Variants in IGSF11 observed in about 807,000 individuals in gnomAD.
The protein encoded by IGSF11 is CXADR like 1.
In IGSF11, 22 loss-of-function variants were observed where a neutral mutation model predicts 41.0. That is an observed-to-expected ratio of 0.54 (90% CI 0.38 to 0.77). IGSF11 has a LOEUF of 0.77. Among genes scored for constraint, IGSF11 ranks in the 30% least tolerant of loss-of-function variants. The pLI is 0.00. For synonymous variants in IGSF11, 219 were observed against 201.3 expected, an observed-to-expected ratio of 1.09 and a Z score of -0.74; for missense variants, 444 against 530.8, an observed-to-expected ratio of 0.84 and a Z score of 1.61.
chr3:119,115,788 T>G (rs1226034938), intron 1 of IGSF11, among the ~76,000 whole-genome samples: 2 of 152,192 alleles, frequency 1.3e-5, no homozygotes, highest in East Asian at 3.8e-4. Context: ...AAATCTTAAC[T>G]AATAAATGTA....
chr3:119,114,949 A>T (rs1256851976), intron 1 of IGSF11, among the ~76,000 whole-genome samples: 1 of 152,232 alleles, frequency 6.6e-6, no homozygotes, highest in Non-Finnish European at 1.5e-5. Flanking sequence ...GGGGAAGCAG[A>T]CATGTCCTAC....
chr3:119,027,847 A>G (rs1412228764), intron 1 of IGSF11, among the ~76,000 whole-genome samples: 4 of 152,198 alleles, frequency 2.6e-5, no homozygotes, highest in African/African-American at 9.6e-5. Context: ...CACATGGGCA[A>G]TATACATAAG....
intron 1 of IGSF11, among the ~76,000 whole-genome samples, chr3:119,092,662 A>G (rs2076784125): frequency 2.0e-5 from 3 of 152,186 alleles, no homozygotes; most frequent in African/African-American, 7.2e-5. Flanking sequence ...ACAGTAGTGT[A>G]TAGTAATGTC....
intron 1 of IGSF11, among the ~76,000 whole-genome samples, chr3:119,052,267 G>A (rs1183601366): frequency 1.3e-5 from 2 of 152,010 alleles, no homozygotes; most frequent in Non-Finnish European, 2.9e-5. Flanking sequence ...ATCACTTGAG[G>A]CCAGGAGTTC....
chr3:119,089,030 G>A (rs2076721572), intron 1 of IGSF11, among the ~76,000 whole-genome samples: 1 of 152,050 alleles, frequency 6.6e-6, no homozygotes, highest in Non-Finnish European at 1.5e-5. Context: ...GAATTCTGCT[G>A]AAACTATTCA....
chr3:119,019,735 AG>A (rs1164846673), intron 1 of IGSF11, among the ~76,000 whole-genome samples: 1 of 152,128 alleles, frequency 6.6e-6, no homozygotes, highest in Non-Finnish European at 1.5e-5. Context: ...CTCCTCCGTG[AG>A]GGTATTCTTT....
intron 1 of IGSF11, among the ~76,000 whole-genome samples, chr3:119,003,777 G>A (rs1338399492): frequency 1.6e-4 from 24 of 151,540 alleles, no homozygotes; most frequent in Middle Eastern, 3.4e-3. Context: ...ATTGATTTGC[G>A]TATATTGAAC....
chr3:118,989,018 T>C (rs1407533112), intron 1 of IGSF11, among the ~76,000 whole-genome samples: 1 of 152,204 alleles, frequency 6.6e-6, no homozygotes, highest in Non-Finnish European at 1.5e-5. Context: ...CCAGTTGTGA[T>C]TATAGGGTAA....
At chr3:118,965,618 C>G (rs1029601188) in intron 1 of IGSF11, among the ~76,000 whole-genome samples, 1 of 151,860 alleles carries the variant, frequency 6.6e-6, no homozygotes, top group Admixed American at 6.6e-5. Context: ...TCTTCTAAAT[C>G]TAACAAATAT....
At chr3:119,097,226 A>G (rs966816346) in intron 1 of IGSF11, among the ~76,000 whole-genome samples, 1 of 152,210 alleles carries the variant, frequency 6.6e-6, no homozygotes, top group African/African-American at 2.4e-5. Context: ...CTCAAAAAAA[A>G]GGAAATCACT....
chr3:119,046,135 C>A (rs1318246547), intron 1 of IGSF11, among the ~76,000 whole-genome samples: 1 of 150,910 alleles, frequency 6.6e-6, no homozygotes, highest in East Asian at 1.9e-4. Flanking sequence ...CGGAACAAAG[C>A]TGGATGGAGA....
chr3:118,938,577 T>C (rs921701125), intron 1 of IGSF11, among the ~76,000 whole-genome samples: 1 of 152,206 alleles, frequency 6.6e-6, no homozygotes, highest in South Asian at 2.1e-4. Flanking sequence ...CATGCTACTA[T>C]GATTGCTACC....
chr3:118,986,215 G>C (rs1935242220), intron 1 of IGSF11, among the ~76,000 whole-genome samples: 2 of 152,080 alleles, frequency 1.3e-5, no homozygotes, highest in African/African-American at 4.8e-5. Flanking sequence ...CTCTCCCGCT[G>C]AATGAGAGCA....
At chr3:119,040,076 A>G (rs1300650598) in intron 1 of IGSF11, among the ~76,000 whole-genome samples, 1 of 152,222 alleles carries the variant, frequency 6.6e-6, no homozygotes, top group Admixed American at 6.5e-5. Flanking sequence ...AAGATTAGAA[A>G]TTATGGTTTA....
intron 1 of IGSF11, among the ~76,000 whole-genome samples, chr3:119,040,809 T>C (rs965292017): frequency 3.3e-5 from 5 of 152,228 alleles, no homozygotes; most frequent in African/African-American, 1.2e-4. Flanking sequence ...ATTGAAATTA[T>C]TTACAACACA....
intron 1 of IGSF11, among the ~76,000 whole-genome samples, chr3:119,134,284 T>C (rs1400510352): frequency 6.6e-6 from 1 of 152,204 alleles, no homozygotes; most frequent in African/African-American, 2.4e-5. Flanking sequence ...GGTCCCTGTT[T>C]GCAGATGACA....
chr3:119,065,408 A>G (rs927114149), intron 1 of IGSF11, among the ~76,000 whole-genome samples: 3 of 152,154 alleles, frequency 2.0e-5, no homozygotes, highest in African/African-American at 7.2e-5. Flanking sequence ...TTTTTAATGT[A>G]TCTACTTTCA....
chr3:118,948,649 G>A (rs1944338751), intron 1 of IGSF11, among the ~76,000 whole-genome samples: 1 of 152,062 alleles, frequency 6.6e-6, no homozygotes, highest in Non-Finnish European at 1.5e-5. Context: ...GGTTCCTCAC[G>A]AGAAAATTGT....
chr3:119,105,278 T>C, upstream of IGSF11: 3 of 897,026 alleles, frequency 3.3e-6, no homozygotes, highest in Non-Finnish European at 5.2e-6. Flanking sequence ...TTTTTTAAAA[T>C]TTTTAAATAG....
Sources: allele counts gnomAD v4.1 joint callset (sites outside exome capture counted in the v4.1 genomes callset), GRCh38; gene constraint gnomAD v4.1.1; transcripts MANE v1.5; gene names NCBI Gene and HGNC (gene_info 2026-07-23, HGNC 2026-07-21).